PLCB1: variants seen among roughly 807,000 people sequenced by gnomAD.
The protein encoded by PLCB1 is phospholipase C beta 1.
A neutral mutation model predicts 161.8 loss-of-function variants in PLCB1; 46 were observed. The observed-to-expected ratio is 0.28, with a 90% CI of 0.22 to 0.36. PLCB1 has a LOEUF of 0.36. Among genes scored for constraint, PLCB1 ranks in the 10% least tolerant of loss-of-function variants. The probability of loss-of-function intolerance (pLI) is 1.00; values close to 1 mark genes in which losing one functional copy is unlikely to be tolerated. For synonymous variants in PLCB1, 517 were observed against 503.7 expected (o/e 1.03, Z -0.35); for missense variants, 1,016 against 1,472.5 (o/e 0.69, Z 5.07).
At position 8,671,071 on chromosome 20, in the gene PLCB1, T is replaced by C. The variant is rs1047518773; in HGVS notation, c.862+12367T>C. Among the ~76,000 whole-genome samples, 8 of 152,148 alleles carry C rather than the reference T, an allele frequency of 5.3e-5. No homozygotes were observed. The South Asian group carries it at 8.3e-4, about 16-fold the overall frequency. On this transcript the variant is annotated intron_variant, in intron 9 of 31. Coordinates refer to ENST00000338037, the MANE Select transcript of PLCB1 (RefSeq NM_015192.4). ...ACCTAATCCCAGTGACATCCAAACA[T>C]CTGAGTGCCAGATCCTGCCTAATTG... is the stretch of plus-strand genomic sequence containing the variant.
intron 3 of PLCB1, among the ~76,000 whole-genome samples, chr20:8,377,142 C>T (rs1987114290): frequency 6.6e-6 from 1 of 151,924 alleles, no homozygotes. Context: ...CAGATAAGTC[C>T]CACTGAGAAG....
chr20:8,813,645 G>T (rs1169074109), intron 31 of PLCB1, among the ~76,000 whole-genome samples: 2 of 152,012 alleles, frequency 1.3e-5, no homozygotes, highest in Non-Finnish European at 2.9e-5. Flanking sequence ...GCCTGGGCAA[G>T]ATAGTGAGAC....
intron 4 of PLCB1, among the ~76,000 whole-genome samples, chr20:8,633,624 A>T (rs1317062784): frequency 1.3e-5 from 2 of 152,192 alleles, no homozygotes; most frequent in African/African-American, 4.8e-5. Context: ...AGTTAATGCC[A>T]TGCTCATGGG....
intron 3 of PLCB1, among the ~76,000 whole-genome samples, chr20:8,445,754 G>A (rs572461281): frequency 5.3e-4 from 80 of 151,810 alleles, no homozygotes; most frequent in Admixed American, 1.1e-3. Flanking sequence ...CCTTGAAGAG[G>A]TCCTTCACAT....
intron 3 of PLCB1, among the ~76,000 whole-genome samples, chr20:8,475,719 C>A (rs1982248528): frequency 6.6e-6 from 1 of 151,870 alleles, no homozygotes; most frequent in South Asian, 2.1e-4. Flanking sequence ...TTAGATATAG[C>A]CAATATCTTG....
At chr20:8,788,561 T>C in intron 28 of PLCB1, 36 bp downstream of exon 28, 2 of 1,602,336 alleles carry the variant, frequency 1.2e-6, no homozygotes, top group Non-Finnish European at 1.7e-6. Context: ...GACATGTGCA[T>C]CTGAATTTAT....
At chr20:8,727,771 A>G (rs527422936) in intron 17 of PLCB1, among the ~76,000 whole-genome samples, 1 of 152,172 alleles carries the variant, frequency 6.6e-6, no homozygotes, top group Admixed American at 6.6e-5. Flanking sequence ...ACACATATAT[A>G]AGATATATGT....
chr20:8,871,601 C>G (rs748232108), intron 31 of PLCB1, among the ~76,000 whole-genome samples: 54 of 152,302 alleles, frequency 3.5e-4, no homozygotes, highest in Middle Eastern at 6.8e-3. Flanking sequence ...TTTCTCCAGT[C>G]ACCACAACAC....
chr20:8,678,701 A>C (rs1049526583), intron 9 of PLCB1, among the ~76,000 whole-genome samples: 1 of 151,648 alleles, frequency 6.6e-6, no homozygotes, highest in Non-Finnish European at 1.5e-5. Flanking sequence ...GCCCCTCCCT[A>C]CTCCTTCCTT....
chr20:8,709,889 C>G (rs972064788), intron 12 of PLCB1, among the ~76,000 whole-genome samples: 7 of 152,128 alleles, frequency 4.6e-5, no homozygotes, highest in Non-Finnish European at 7.4e-5. Flanking sequence ...TTATTCTGTT[C>G]CATGCTATTT....
chr20:8,834,798 G>A (rs1256627934), intron 31 of PLCB1, among the ~76,000 whole-genome samples: 1 of 106,162 alleles, frequency 9.4e-6, no homozygotes, highest in Non-Finnish European at 1.7e-5. Flanking sequence ...CTGGGCGATA[G>A]ACTCTGCCTC....
intron 3 of PLCB1, among the ~76,000 whole-genome samples, chr20:8,412,380 C>T (rs1274478844): frequency 6.6e-6 from 1 of 152,162 alleles, no homozygotes; most frequent in Non-Finnish European, 1.5e-5. Flanking sequence ...CTGTGGGGTT[C>T]CAGAGGGTGG....
At chr20:8,385,250 T>TC (rs1273111166) in intron 3 of PLCB1, among the ~76,000 whole-genome samples, 4 of 151,716 alleles carry the variant, frequency 2.6e-5, no homozygotes, top group African/African-American at 9.7e-5. Flanking sequence ...CTGCAAGGAG[T>TC]CCCCACCAAG....
chr20:8,193,488 A>G (rs377725153), intron 2 of PLCB1, among the ~76,000 whole-genome samples: 8 of 152,028 alleles, frequency 5.3e-5, no homozygotes, highest in African/African-American at 1.7e-4. Context: ...CCCTAGAAAG[A>G]AGGCAAGAAT....
intron 31 of PLCB1, among the ~76,000 whole-genome samples, chr20:8,878,570 C>T (rs753163205): frequency 1.4e-4 from 22 of 152,140 alleles, no homozygotes; most frequent in South Asian, 4.1e-4. Context: ...AGCGCCCCCT[C>T]ACAGCATGTT....
chr20:8,507,929 G>A (rs1311409707), intron 3 of PLCB1, among the ~76,000 whole-genome samples: 1 of 152,120 alleles, frequency 6.6e-6, no homozygotes. Flanking sequence ...ATGCATTATT[G>A]TTAGTAATTT....
At chr20:8,207,107 G>A (rs1337991257) in intron 2 of PLCB1, among the ~76,000 whole-genome samples, 1 of 94,780 alleles carries the variant, frequency 1.1e-5, no homozygotes, top group African/African-American at 4.3e-5. Context: ...TATTAAGGAT[G>A]AGTTATTTTT....
intron 2 of PLCB1, among the ~76,000 whole-genome samples, chr20:8,189,870 C>G (rs1308391464): frequency 6.6e-6 from 1 of 152,048 alleles, no homozygotes; most frequent in East Asian, 1.9e-4. Context: ...TAACCATTTA[C>G]CATGTTTCAA....
At chr20:8,640,846 G>T (rs1265432576) in intron 4 of PLCB1, among the ~76,000 whole-genome samples, 1 of 152,124 alleles carries the variant, frequency 6.6e-6, no homozygotes, top group Admixed American at 6.5e-5. Flanking sequence ...TGCCATGGAC[G>T]TTGCTCTTTG....
Sources: gnomAD v4.1 joint callset for allele counts (sites outside exome capture counted in the v4.1 genomes callset) on GRCh38, gnomAD v4.1.1 for gene constraint, MANE v1.5 for transcripts, NCBI Gene and HGNC (gene_info 2026-07-23, HGNC 2026-07-21) for gene names.